The following DBT variants were observed in gnomAD, a reference collection of about 807,000 sequenced individuals.
DBT encodes dihydrolipoamide branched chain transacylase E2.
A neutral mutation model predicts 51.3 loss-of-function variants in DBT; 40 were observed. That is an observed-to-expected ratio of 0.78 (90% CI 0.61 to 1.02). DBT has a LOEUF of 1.02. Among genes scored for constraint, DBT ranks in the 50% least tolerant of loss-of-function variants. DBT has a pLI of 0.00. For missense variants in DBT, 510 were observed against 580.2 expected (o/e 0.88, Z 1.24); for synonymous variants, 181 against 190.4 (o/e 0.95, Z 0.41).
rs540448305 is a variant in DBT, at chr1:100,203,138, C to CA, written c.1281+3091dup. Among the ~76,000 whole-genome samples the CA allele has an allele frequency of 2.0e-3, 308 of 151,984 alleles. 2 individuals are homozygous for CA. The highest frequency in any genetic ancestry group is 6.6e-3 in the Admixed American group (100 of 15,254). Reference sequence around the variant, plus strand: ...GAGACAGAGACACAAAAAAACCCTTCAAAAAAATCAATGAATCCAGGAGCC... The same window carrying CA: ...GAGACAGAGACACAAAAAAACCCTTCAAAAAAAATCAATGAATCCAGGAGCC... On this transcript the variant is annotated intron_variant, in intron 10 of 10. Transcript: ENST00000370132.
chr1:100,204,742 G>A (rs550897480), intron 10 of DBT, among the ~76,000 whole-genome samples: 2 of 152,130 alleles, frequency 1.3e-5, no homozygotes, highest in African/African-American at 4.8e-5. Flanking sequence ...GCATGGTAAT[G>A]GTACCAAAAC....
chr1:100,240,928 A>T (rs777066448), intron 1 of DBT, 44 bp from the exon 2 acceptor site: 4 of 1,583,898 alleles, frequency 2.5e-6, no homozygotes, highest in Non-Finnish European at 3.5e-6. Flanking sequence ...ATAAACAACC[A>T]TACCGGCTTA....
At chr1:100,230,200 C>G (rs929658400) in intron 4 of DBT, among the ~76,000 whole-genome samples, 1 of 152,204 alleles carries the variant, frequency 6.6e-6, no homozygotes, top group African/African-American at 2.4e-5. Context: ...GAAGGCAGGA[C>G]TTCAGGTAAA....
At chr1:100,229,161 C>T (rs1663382113) in intron 4 of DBT, among the ~76,000 whole-genome samples, 1 of 152,002 alleles carries the variant, frequency 6.6e-6, no homozygotes, top group Admixed American at 6.6e-5. Flanking sequence ...ATTGTCCAAC[C>T]TTTCTTTTTT....
At chr1:100,198,692 A>G (rs1374478784) in intron 10 of DBT, among the ~76,000 whole-genome samples, 1 of 152,202 alleles carries the variant, frequency 6.6e-6, no homozygotes, top group Non-Finnish European at 1.5e-5. Flanking sequence ...TAACTCAGAG[A>G]ACTGATTTGG....
intron 1 of DBT, 65 bp from the exon 2 acceptor site, chr1:100,240,949 T>C: frequency 6.9e-7 from 1 of 1,453,608 alleles, no homozygotes. Flanking sequence ...TCTCTAAGTA[T>C]AAATTGAATT....
chr1:100,218,246 T>A (rs1662611598), intron 5 of DBT, among the ~76,000 whole-genome samples: 2 of 152,214 alleles, frequency 1.3e-5, no homozygotes, highest in South Asian at 2.1e-4. Context: ...CAATTTCCCT[T>A]CTCTTCTCTT....
At chr1:100,235,401 A>C in intron 3 of DBT, 35 bp downstream of exon 3, 1 of 1,014,566 alleles carries the variant, frequency 9.9e-7, no homozygotes, top group Non-Finnish European at 1.5e-6. Context: ...AATTATTTTT[A>C]AATTTACTTA....
At chr1:100,225,364 G>C (rs1663130400) in intron 4 of DBT, among the ~76,000 whole-genome samples, 1 of 151,704 alleles carries the variant, frequency 6.6e-6, no homozygotes, top group Admixed American at 6.6e-5. Context: ...CTTTCACTCA[G>C]CATAATTTCT....
chr1:100,213,666 C>T (rs970171817), intron 7 of DBT: 3 of 1,610,742 alleles, frequency 1.9e-6, no homozygotes, highest in Middle Eastern at 2.2e-4. Context: ...GCCACCTTCG[C>T]TTAAAGGGAA....
intron 5 of DBT, among the ~76,000 whole-genome samples, chr1:100,217,788 G>T (rs1039232327): frequency 2.1e-4 from 11 of 52,208 alleles, no homozygotes; most frequent in African/African-American, 3.7e-4. Context: ...TCCTTGTGAG[G>T]ATTACAGATG....
Position 100,240,806 on chromosome 1 carries a change from A to T in DBT, c.130T>A (p.Ser44Thr). The T allele has an allele frequency of 6.2e-7, 1 of 1,607,674 alleles. No homozygotes were observed. Among genetic ancestry groups the T allele is most frequent in the Non-Finnish European group, 8.5e-7 (1 of 1,174,500 alleles). The change falls in exon 2 of 11, where the codon TCA becomes ACA. Residue 44 changes from serine to threonine, a missense_variant. Coordinates refer to ENST00000370132, the MANE Select transcript of DBT (RefSeq NM_001918.5). ...TGATGTGGATGACTATACTTGAATG[A>T]AGGATAACCAAAGAAACACACATAA... Reference protein sequence around the residue: ...PNYVCFFGYPSFKYSHPHHFL... With the variant: ...PNYVCFFGYPTFKYSHPHHFL...
chr1:100,192,679 C>T lies in DBT; in HGVS notation c.*3576G>A, dbSNP rs917188058. 11 of 152,282 alleles carry T rather than the reference C, an allele frequency of 7.2e-5. No homozygotes were observed. The highest frequency in any genetic ancestry group is 2.4e-4 in the African/African-American group (10 of 41,550). The allele number at this position is 152,282 out of a possible 1,614,324, so 9.4% of individuals were successfully genotyped here. ...TAATCACTTCTTACATAGGTTTCAA[C>T]ATAAGGTACATTTTGATCTCTAAAA... is the stretch of plus-strand genomic sequence containing the variant. On this transcript the variant is annotated 3_prime_UTR_variant, in exon 11 of 11. Coordinates refer to ENST00000370132, the MANE Select transcript of DBT (RefSeq NM_001918.5).
rs547091505 is a variant in DBT at position 100,249,461 on chromosome 1, C to T, written c.51+309G>A. On this transcript the variant is annotated intron_variant, in intron 1 of 10. Transcript: ENST00000370132. ...CTAAACGAATATATCTCTGGATCCA[C>T]AGCGCCTATCACAATGCCTGGGCAC... 11 of 520,932 alleles carry T rather than the reference C, an allele frequency of 2.1e-5. No homozygotes were observed. In the East Asian group the frequency reaches 3.8e-4, roughly 18 times the overall value. 32.3% of individuals were successfully genotyped at this position (520,932 alleles called of 1,614,324 possible). A position where few individuals can be genotyped will look rare whatever the true frequency, so the allele number is the denominator to read the frequency against.
Position 100,240,875 on chromosome 1 carries a change from G to T in DBT, c.61C>A (p.Arg21Ser). 6.2e-7 allele frequency: 1 copy of T among 1,613,024 alleles called. No homozygotes were observed. Among genetic ancestry groups the T allele is most frequent in the Non-Finnish European group, 8.5e-7 (1 of 1,179,376 alleles). The change falls in exon 2 of 11, where the codon CGC becomes AGC. Residue 21 changes from arginine to serine, a missense_variant. Transcript: ENST00000370132. The stretch of plus-strand genomic sequence containing the variant: ...ACATTACCACATGTTTGAAAATAGC[G>T]AACACAAATCTACAGATGAGAAAAC... Reference protein sequence around the residue: ...SRNAGKLICVRYFQTCGNVHV... With the variant: ...SRNAGKLICVSYFQTCGNVHV...
chr1:100,235,494 C>A lies in DBT; in HGVS notation c.193G>T (p.Val65Phe). ...KTTAALRGQV[V>F]QFKLSDIGEG... ...CCAATGTCTGAGAGCTTGAACTGAACAACCTGTCCACGGAGAGCTTCAAAG... is the reference window on the plus strand; with the variant it reads ...CCAATGTCTGAGAGCTTGAACTGAAAAACCTGTCCACGGAGAGCTTCAAAG... The change falls in exon 3 of 11, where the codon GTT becomes TTT. Residue 65 changes from valine (V) to phenylalanine (F), a missense_variant. Physicochemically the swap from Val to Phe is conservative, Grantham distance 50. Transcript: ENST00000370132. 3.8e-6 allele frequency: 6 copies of A among 1,589,126 alleles called. No individual in the cohort carries two copies. The highest frequency in any genetic ancestry group is 5.2e-6 in the Non-Finnish European group (6 of 1,158,502).
intron 3 of DBT, among the ~76,000 whole-genome samples, chr1:100,231,839 G>C (rs1342337549): frequency 1.3e-5 from 2 of 152,194 alleles, no homozygotes; most frequent in African/African-American, 4.8e-5. Flanking sequence ...AAAAATGGTT[G>C]AGTTTTGTAG....
rs1335105271 is a variant in DBT, at chr1:100,213,018, G to A, written c.939+1799C>T. Reference sequence around the variant, plus strand: ...TGTAGAGAAAGGACTGGACATGTTGGCATTACAGACATCAGTATGTCCTTC... The same window carrying A: ...TGTAGAGAAAGGACTGGACATGTTGACATTACAGACATCAGTATGTCCTTC... On this transcript the variant is annotated intron_variant, in intron 7 of 10. Transcript: ENST00000370132. Among the ~76,000 whole-genome samples the A allele has an allele frequency of 2.0e-5, 3 of 152,132 alleles. No individual in the cohort carries two copies. In the South Asian group the frequency reaches 6.2e-4, roughly 32 times the overall value.
intron 4 of DBT, among the ~76,000 whole-genome samples, 154 bp from the exon 5 acceptor site, chr1:100,218,901 A>G (rs1029791298): frequency 6.8e-6 from 1 of 147,236 alleles, no homozygotes; most frequent in African/African-American, 2.5e-5. Flanking sequence ...CAGAATAGGA[A>G]AACACAACTA....
Sources: gnomAD v4.1 joint callset for allele counts (sites outside exome capture counted in the v4.1 genomes callset) on GRCh38, gnomAD v4.1.1 for gene constraint, MANE v1.5 for transcripts, NCBI Gene and HGNC (gene_info 2026-07-23, HGNC 2026-07-21) for gene names.